The following ARHGAP15 variants were observed in gnomAD, a reference collection of about 807,000 sequenced individuals.
The protein encoded by ARHGAP15 is rho GTPase-activating protein 15.
In ARHGAP15, 51 loss-of-function variants were observed where a neutral mutation model predicts 63.7. The ratio of observed to expected loss-of-function variants is 0.80; its 90% CI spans 0.64 to 1.01. The LOEUF is 1.01. Ranked by LOEUF, ARHGAP15 falls within the 50% of genes least tolerant of loss-of-function variation. The probability of loss-of-function intolerance (pLI) is 0.00; values close to 1 mark genes in which losing one functional copy is unlikely to be tolerated. For missense variants in ARHGAP15, 560 were observed against 564.6 expected, an observed-to-expected ratio of 0.99 and a Z score of 0.08; for synonymous variants, 191 against 193.8, an observed-to-expected ratio of 0.99 and a Z score of 0.12.
intron 1 of ARHGAP15, among the ~76,000 whole-genome samples, chr2:143,154,612 A>G (rs1303800858): frequency 6.6e-6 from 1 of 151,850 alleles, no homozygotes; most frequent in Non-Finnish European, 1.5e-5. Context: ...TTGTATTGCA[A>G]CCATTCTGTT....
At chr2:143,194,129 AT>A (rs1246210545) in intron 2 of ARHGAP15, among the ~76,000 whole-genome samples, 2 of 152,178 alleles carry the variant, frequency 1.3e-5, no homozygotes, top group Admixed American at 6.5e-5. Flanking sequence ...TAGGTAGATA[AT>A]TTTAACATTC....
chr2:143,226,602 G>T (rs1294691500), intron 4 of ARHGAP15, among the ~76,000 whole-genome samples: 1 of 152,152 alleles, frequency 6.6e-6, no homozygotes, highest in African/African-American at 2.4e-5. Context: ...GCTGCTGCTG[G>T]TACCTAAAAG....
At chr2:143,542,407 C>G (rs1296053201) in intron 10 of ARHGAP15, among the ~76,000 whole-genome samples, 1 of 152,014 alleles carries the variant, frequency 6.6e-6, no homozygotes. Flanking sequence ...CCGGCACTCC[C>G]CAGTGAGATG....
chr2:143,251,746 GGA>G lies in ARHGAP15; in HGVS notation c.474+1153_474+1154del, dbSNP rs572990609. Among the ~76,000 whole-genome samples, 6 of 152,028 alleles carry G rather than the reference GGA, an allele frequency of 3.9e-5. No homozygotes were observed. In the South Asian group the frequency reaches 1.0e-3, roughly 26 times the overall value. On this transcript the variant is annotated intron_variant, in intron 6 of 13. Coordinates refer to ENST00000295095, the MANE Select transcript of ARHGAP15 (RefSeq NM_018460.4). ...TAAAAAGGAAGGAAGGAAATAAAAGGGAGAGAGAAAAGATAGAAGAAAACCAA... is the reference window on the plus strand; with the variant it reads ...TAAAAAGGAAGGAAGGAAATAAAAGGGAGAGAAAAGATAGAAGAAAACCAA...
intron 6 of ARHGAP15, among the ~76,000 whole-genome samples, chr2:143,429,134 T>A (rs988334693): frequency 6.6e-6 from 1 of 152,080 alleles, no homozygotes; most frequent in Non-Finnish European, 1.5e-5. Context: ...TACTAATTAC[T>A]TGGATAGTAT....
At chr2:143,661,435 T>C (rs1168394077) in intron 12 of ARHGAP15, among the ~76,000 whole-genome samples, 9 of 152,234 alleles carry the variant, frequency 5.9e-5, no homozygotes, top group Admixed American at 3.3e-4. Context: ...TTAATGTCAA[T>C]TATGAATAGA....
intron 12 of ARHGAP15, among the ~76,000 whole-genome samples, chr2:143,697,284 G>T (rs1683893200): frequency 6.6e-6 from 1 of 152,130 alleles, no homozygotes; most frequent in African/African-American, 2.4e-5. Flanking sequence ...CTTGAACCAG[G>T]AGCAGTTATG....
At chr2:143,328,849 A>G (rs1684376462) in intron 6 of ARHGAP15, among the ~76,000 whole-genome samples, 1 of 152,264 alleles carries the variant, frequency 6.6e-6, no homozygotes, top group South Asian at 2.1e-4. Flanking sequence ...AATATTTGTA[A>G]CACAAAGAAA....
chr2:143,338,489 G>A (rs998577734), intron 6 of ARHGAP15, among the ~76,000 whole-genome samples: 3 of 152,076 alleles, frequency 2.0e-5, no homozygotes, highest in Non-Finnish European at 4.4e-5. Context: ...TGTGTGAAAG[G>A]CATCCACAAT....
chr2:143,315,957 G>A (rs754705828), intron 6 of ARHGAP15, among the ~76,000 whole-genome samples: 2 of 151,944 alleles, frequency 1.3e-5, no homozygotes, highest in Non-Finnish European at 2.9e-5. Flanking sequence ...GTGGTGGTGC[G>A]TGCCTGTATT....
At chr2:143,375,198 TG>T (rs1686750137) in intron 6 of ARHGAP15, among the ~76,000 whole-genome samples, 1 of 152,192 alleles carries the variant, frequency 6.6e-6, no homozygotes, top group Non-Finnish European at 1.5e-5. Flanking sequence ...ACATTAGTGA[TG>T]TTATGCTAAA....
intron 6 of ARHGAP15, among the ~76,000 whole-genome samples, chr2:143,266,473 G>A (rs1681000175): frequency 2.0e-5 from 3 of 152,158 alleles, no homozygotes; most frequent in Admixed American, 2.0e-4. Context: ...CAGACTAAAG[G>A]TGGTTGGTAG....
chr2:143,252,418 A>G (rs1680200662), intron 6 of ARHGAP15, among the ~76,000 whole-genome samples: 1 of 152,014 alleles, frequency 6.6e-6, no homozygotes, highest in Non-Finnish European at 1.5e-5. Flanking sequence ...CCTTCCAAAG[A>G]TATTAAAAAC....
intron 6 of ARHGAP15, among the ~76,000 whole-genome samples, chr2:143,296,371 A>G (rs1354027440): frequency 6.6e-6 from 1 of 152,102 alleles, no homozygotes; most frequent in Non-Finnish European, 1.5e-5. Flanking sequence ...TAGTTACAAG[A>G]AAGAAAACAG....
intron 6 of ARHGAP15, among the ~76,000 whole-genome samples, chr2:143,433,387 G>A (rs1333216656): frequency 1.3e-5 from 2 of 152,068 alleles, no homozygotes; most frequent in East Asian, 1.9e-4. Context: ...GAAGACAGAG[G>A]AAAGGATGTG....
At chr2:143,604,340 C>T (rs969593621) in intron 11 of ARHGAP15, among the ~76,000 whole-genome samples, 1 of 152,190 alleles carries the variant, frequency 6.6e-6, no homozygotes, top group Non-Finnish European at 1.5e-5. Flanking sequence ...CATGAACCAG[C>T]CTGACTGTGT....
chr2:143,756,014 C>T (rs972714661), intron 13 of ARHGAP15, among the ~76,000 whole-genome samples: 4 of 151,758 alleles, frequency 2.6e-5, no homozygotes, highest in Non-Finnish European at 4.4e-5. Context: ...TAAAATTAAG[C>T]GCATACAAAC....
chr2:143,138,691 CT>C (rs1450106240), intron 1 of ARHGAP15, among the ~76,000 whole-genome samples: 1 of 152,072 alleles, frequency 6.6e-6, no homozygotes, highest in Non-Finnish European at 1.5e-5. Context: ...AAAATTCCTT[CT>C]TAGATCCACC....
chr2:143,703,174 A>C (rs10173341), intron 12 of ARHGAP15, among the ~76,000 whole-genome samples: 136,352 of 152,180 alleles, frequency 0.9, 62,797 homozygotes, highest in East Asian at 1. Flanking sequence ...GAGAAAAGGT[A>C]CAAAGGCTAA....
Sources: gnomAD v4.1 joint callset for allele counts (sites outside exome capture counted in the v4.1 genomes callset) on GRCh38, gnomAD v4.1.1 for gene constraint, MANE v1.5 for transcripts, NCBI Gene and HGNC (gene_info 2026-07-23, HGNC 2026-07-21) for gene names.